The following EVC2 variants were observed in gnomAD, a reference collection of about 807,000 sequenced individuals.
EVC2 encodes EvC ciliary complex subunit 2.
EVC2 carries 148 observed loss-of-function variants against 149.3 expected under a neutral mutation model. The ratio of observed to expected loss-of-function variants is 0.99; its 90% CI spans 0.87 to 1.14. The LOEUF is 1.14. Among genes scored for constraint, EVC2 ranks in the 50% most tolerant of loss-of-function variants. EVC2 has a pLI of 0.00. For synonymous variants in EVC2, 776 were observed against 649.9 expected, an observed-to-expected ratio of 1.19 and a Z score of -2.95; for missense variants, 1,854 against 1,627.3, an observed-to-expected ratio of 1.14 and a Z score of -2.40.
chr4:5,606,012 G>C (rs1425307682), intron 16 of EVC2, among the ~76,000 whole-genome samples: 1 of 152,216 alleles, frequency 6.6e-6, no homozygotes, highest in Non-Finnish European at 1.5e-5. Flanking sequence ...GAAAGGACTA[G>C]GTCAAACTAA....
At position 5,689,302 on chromosome 4, in the gene EVC2, C is replaced by A. The variant is rs1406566540; in HGVS notation, c.561G>T (p.Leu187=). The stretch of plus-strand genomic sequence containing the variant: ...AGGTTGTCTTGGTGTTGTTAACAAG[C>A]AGCCATATGCGGGCTGTCTGTGCTT... ...SSEAQTARIW[L]LVNNTKTTSS... is the part of the protein sequence containing the mutation. The change falls in exon 5 of 22, where the codon CTG becomes CTT. Residue 187 remains leucine, a synonymous_variant. Transcript: ENST00000344408. 1.9e-6 allele frequency: 3 copies of A among 1,614,184 alleles called. No individual in the cohort carries two copies. In the East Asian group the frequency reaches 6.7e-5, roughly 36 times the overall value.
At chr4:5,552,096 G>T (rs1721749665) in intron 21 of EVC2, among the ~76,000 whole-genome samples, 1 of 152,214 alleles carries the variant, frequency 6.6e-6, no homozygotes, top group South Asian at 2.1e-4. Context: ...CATTTGTTTA[G>T]CTATTTCTTA....
chr4:5,638,553 T>C (rs1717061356), intron 10 of EVC2, among the ~76,000 whole-genome samples: 1 of 152,052 alleles, frequency 6.6e-6, no homozygotes, highest in Non-Finnish European at 1.5e-5. Context: ...AGACTGGGCA[T>C]TACAGGGCAG....
chr4:5,648,494 C>T (rs1052206020), intron 9 of EVC2, among the ~76,000 whole-genome samples: 1 of 152,182 alleles, frequency 6.6e-6, no homozygotes, highest in Non-Finnish European at 1.5e-5. Context: ...CACCTGCTAG[C>T]TAAGGGGCCT....
intron 21 of EVC2, among the ~76,000 whole-genome samples, chr4:5,554,913 T>C (rs896045555): frequency 1.6e-4 from 25 of 152,222 alleles, no homozygotes; most frequent in African/African-American, 5.5e-4. Context: ...AAATGCACTA[T>C]ATGGCTCAGC....
chr4:5,612,462 G>T (rs1056060996), intron 16 of EVC2, among the ~76,000 whole-genome samples: 1 of 152,222 alleles, frequency 6.6e-6, no homozygotes, highest in African/African-American at 2.4e-5. Context: ...GCTGGTTCAG[G>T]ATCCGTAAGG....
rs10470720 is a variant in EVC2, at chr4:5,647,239, C to A, written c.1146-6401G>T. Among the ~76,000 whole-genome samples the A allele has an allele frequency of 6.6e-3, 1,008 of 152,232 alleles. 4 individuals carry two copies. Among genetic ancestry groups the A allele is most frequent in the Non-Finnish European group, 0.011 (773 of 68,012 alleles). ...CCTCAAGCCTTCTGGGTAGATGAGG[C>A]CACGTGTGCCCTGTAAGAGTCCTGT... is the stretch of plus-strand genomic sequence containing the variant. On this transcript the variant is annotated intron_variant, in intron 9 of 21. Transcript: ENST00000344408.
At chr4:5,615,647 C>A in intron 15 of EVC2, 103 bp from the exon 16 acceptor site, 1 of 1,527,414 alleles carries the variant, frequency 6.5e-7, no homozygotes, top group Non-Finnish European at 9.0e-7. Context: ...CTGCAGCTCC[C>A]AGAACTGCAA....
intron 15 of EVC2, among the ~76,000 whole-genome samples, chr4:5,617,062 C>T (rs539320632): frequency 6.6e-6 from 1 of 151,996 alleles, no homozygotes; most frequent in Non-Finnish European, 1.5e-5. Flanking sequence ...TCTCCCACAT[C>T]CTTGTAAGAA....
At chr4:5,649,471 T>TA (rs575787574) in intron 9 of EVC2, among the ~76,000 whole-genome samples, 286 of 152,264 alleles carry the variant, frequency 1.9e-3, no homozygotes, top group African/African-American at 6.4e-3. Context: ...CTACTAATGA[T>TA]AAAAAAAGAG....
At chr4:5,627,153 G>A (rs1016057168) in intron 12 of EVC2, among the ~76,000 whole-genome samples, 3 of 152,300 alleles carry the variant, frequency 2.0e-5, no homozygotes, top group Middle Eastern at 3.4e-3. Flanking sequence ...TAGACTGCCT[G>A]CATCCCTGGG....
intron 2 of EVC2, among the ~76,000 whole-genome samples, chr4:5,695,876 A>C (rs1721443631): frequency 6.6e-6 from 1 of 152,170 alleles, no homozygotes; most frequent in African/African-American, 2.4e-5. Context: ...GCAGGAAAAA[A>C]ACTAAAATCT....
At chr4:5,708,626 G>GT, upstream of EVC2, 1 of 745,954 alleles carries the variant, frequency 1.3e-6, no homozygotes, top group Non-Finnish European at 1.9e-6. Context: ...GCCGCCGAAA[G>GT]TTTTCTGGAA....
chr4:5,531,508 G>A, the EVC2 span, among the ~76,000 whole-genome samples: 1 of 152,158 alleles, frequency 6.6e-6, no homozygotes, highest in African/African-American at 2.4e-5. Flanking sequence ...AGTTTCATCT[G>A]TATTGACAGC....
chr4:5,708,688 G>A, upstream of EVC2: 1 of 490,774 alleles, frequency 2.0e-6, no homozygotes, highest in South Asian at 4.2e-5. Flanking sequence ...GACGGGCGTG[G>A]GAGGGGGAGA....
downstream of EVC2, among the ~76,000 whole-genome samples, chr4:5,559,969 G>T (rs1721908023): frequency 6.6e-6 from 1 of 151,782 alleles, no homozygotes; most frequent in African/African-American, 2.4e-5. This position sits in a 1 kb window ranked among gnomAD's most constrained non-coding sequence, Gnocchi z 5.0. Context: ...TAAGCACAAA[G>T]CTGTCCCCAA....
intron 9 of EVC2, among the ~76,000 whole-genome samples, chr4:5,660,889 C>T (rs920223170): frequency 1.3e-5 from 2 of 152,210 alleles, no homozygotes; most frequent in African/African-American, 4.8e-5. Context: ...CTCAGCCTAG[C>T]TGAGCCTCAG....
chr4:5,625,916 G>T lies in EVC2; in HGVS notation c.1887-8C>A, dbSNP rs773203644. The T allele has an allele frequency of 6.2e-7, 1 of 1,613,770 alleles. No homozygotes were observed. Among genetic ancestry groups the T allele is most frequent in the Non-Finnish European group, 8.5e-7 (1 of 1,179,942 alleles). On this transcript the variant is annotated splice_region_variant and splice_polypyrimidine_tract_variant and intron_variant, in intron 12 of 21. Coordinates refer to ENST00000344408, the MANE Select transcript of EVC2 (RefSeq NM_147127.5). This position sits in a 1 kb window ranked among gnomAD's most constrained non-coding sequence, Gnocchi z 4.0. Reference sequence around the variant, plus strand: ...TCATCCAGGTACCCTGCTCTAGATGGAAAGGATGTAAAGTTAGGAATGTGG... The same window carrying T: ...TCATCCAGGTACCCTGCTCTAGATGTAAAGGATGTAAAGTTAGGAATGTGG...
chr4:5,543,162 A>G (rs1210015561), exon 22 of EVC2: 25 of 1,289,626 alleles, frequency 1.9e-5, no homozygotes, highest in Middle Eastern at 2.1e-4. Context: ...AATTAACCCA[A>G]TCTCTGGAGT....
Sources: gnomAD v4.1 joint callset for allele counts (sites outside exome capture counted in the v4.1 genomes callset) on GRCh38, gnomAD v4.1.1 for gene constraint, Gnocchi (gnomAD v3.1) non-coding constraint, MANE v1.5 for transcripts, NCBI Gene and HGNC (gene_info 2026-07-23, HGNC 2026-07-21) for gene names.